The following WDR59 variants were observed in gnomAD, a reference collection of about 807,000 sequenced individuals.
The protein encoded by WDR59 is GATOR2 complex protein WDR59.
A neutral mutation model predicts 131.2 loss-of-function variants in WDR59; 100 were observed. The observed-to-expected ratio is 0.76, with a 90% CI of 0.65 to 0.90. The LOEUF (loss-of-function observed/expected upper bound fraction) is 0.90. Ranked by LOEUF, WDR59 falls within the 40% of genes least tolerant of loss-of-function variation. WDR59 has a pLI of 0.00. For synonymous variants in WDR59, 601 were observed against 466.2 expected (o/e 1.29, Z -3.72); for missense variants, 1,203 against 1,262.2 (o/e 0.95, Z 0.71).
intron 5 of WDR59, among the ~76,000 whole-genome samples, chr16:74,949,259 G>A (rs1597781604): frequency 6.6e-6 from 1 of 150,648 alleles, no homozygotes; most frequent in East Asian, 1.9e-4. Flanking sequence ...TGAGCCCAGG[G>A]GTTCAAGGCT....
At chr16:74,938,098 C>T in intron 8 of WDR59, 52 bp downstream of exon 8, 1 of 1,260,472 alleles carries the variant, frequency 7.9e-7, no homozygotes, top group Non-Finnish European at 1.1e-6. Flanking sequence ...ATCATACATC[C>T]CTGATGCCAC....
At chr16:74,973,649 T>C (rs1265676285) in intron 1 of WDR59, among the ~76,000 whole-genome samples, 1 of 152,222 alleles carries the variant, frequency 6.6e-6, no homozygotes, top group East Asian at 1.9e-4. Flanking sequence ...GAGACTCTTG[T>C]TCACACGCTC....
At chr16:74,948,380 A>T (rs1181317753) in intron 6 of WDR59, 139 bp downstream of exon 6, 1 of 812,802 alleles carries the variant, frequency 1.2e-6, no homozygotes, top group African/African-American at 1.7e-5. Context: ...TTACAATTCC[A>T]CTCAGCCACG....
At chr16:74,908,665 C>T (rs1196083244) in intron 17 of WDR59, 1 of 390,684 alleles carries the variant, frequency 2.6e-6, no homozygotes, top group Non-Finnish European at 4.5e-6. Flanking sequence ...AAGAATTTGC[C>T]TTGTTTTGAC....
At chr16:74,924,808 A>G (rs4888314) in intron 8 of WDR59, among the ~76,000 whole-genome samples, 55,917 of 151,982 alleles carry the variant, frequency 0.37, 10,336 homozygotes, top group African/African-American at 0.42. Flanking sequence ...TTTAATAGAG[A>G]TGGGATCTTG....
At position 74,942,796 on chromosome 16, in the gene WDR59, T is replaced by A; in HGVS notation, c.476A>T (p.Lys159Ile). The A allele has an allele frequency of 6.2e-7, 1 of 1,612,844 alleles. No homozygotes were observed. Residue 159 changes from lysine to isoleucine, a missense_variant, in exon 7 of 26, where the codon AAA becomes ATA. By Grantham distance (102) the Lys-to-Ile change is moderately radical. Transcript: ENST00000262144. ...GCTGGTGGCAAGGCAGTTAGCATTT[T>A]TTTTATTCCATTTGACCTGGGAGGC... The part of the protein sequence containing the change: ...AGASQVKWNK[K>I]NANCLATSHD...
intron 8 of WDR59, among the ~76,000 whole-genome samples, chr16:74,937,889 G>A (rs1035428417): frequency 1.3e-5 from 2 of 152,200 alleles, no homozygotes; most frequent in African/African-American, 4.8e-5. Context: ...TCTAAGAGAC[G>A]TATCAGAGGA....
At chr16:74,925,652 A>G (rs2030714601) in intron 8 of WDR59, among the ~76,000 whole-genome samples, 2 of 152,106 alleles carry the variant, frequency 1.3e-5, no homozygotes. Flanking sequence ...GCAAAGGAAT[A>G]ACACGAGGTA....
At position 74,883,056 on chromosome 16, in the gene WDR59, ACT is replaced by A. The variant is rs1964584731; in HGVS notation, c.2689+2595_2689+2596del. 2.6e-5 allele frequency among the ~76,000 whole-genome samples: 3 copies of A among 115,052 alleles called. No individual in the cohort carries two copies. The Admixed American group carries it at 3.8e-4, about 15-fold the overall frequency. 75.5% of individuals were successfully genotyped at this position (115,052 alleles called of 152,430 possible). A position where few individuals can be genotyped will look rare whatever the true frequency, so the allele number is the denominator to read the frequency against. On this transcript the variant is annotated intron_variant, in intron 25 of 25. Coordinates refer to ENST00000262144, the MANE Select transcript of WDR59 (RefSeq NM_030581.4). ...TTTTTTTTTTTTGAGACAGAGTCTC[ACT>A]CTGTCACCAAGGCTGGAGTGCAGTG... is the stretch of plus-strand genomic sequence containing the variant.
In WDR59 at chr16:74,919,489, C is replaced by T. The variant is rs555464096; in HGVS notation, c.887-1481G>A. Among the ~76,000 whole-genome samples the T allele has an allele frequency of 4.2e-5, 6 of 144,284 alleles. No homozygotes were observed. In the East Asian group the frequency reaches 1.2e-3, roughly 29 times the overall value. 94.7% of individuals were successfully genotyped at this position (144,284 alleles called of 152,430 possible). On this transcript the variant is annotated intron_variant, in intron 10 of 25. Coordinates refer to ENST00000262144, the MANE Select transcript of WDR59 (RefSeq NM_030581.4). Reference sequence around the variant, plus strand: ...CTGAGATTACAGGCACGTGCCACCACACCTGGCTAATTTTTTTTTTTTTAA... The same window carrying T: ...CTGAGATTACAGGCACGTGCCACCATACCTGGCTAATTTTTTTTTTTTTAA...
In WDR59 at chr16:74,892,473, A is replaced by G; in HGVS notation, c.2082+11T>C. 6.2e-7 allele frequency: 1 copy of G among 1,610,846 alleles called. No individual in the cohort carries two copies. Among genetic ancestry groups the G allele is most frequent in the Non-Finnish European group, 8.5e-7 (1 of 1,177,960 alleles). ...AAAATCCAAATCTCCACCAAAAGGG[A>G]TGGACAATACCTGGACAAGATCCTT... On this transcript the variant is annotated intron_variant, in intron 20 of 25. Coordinates refer to ENST00000262144, the MANE Select transcript of WDR59 (RefSeq NM_030581.4).
intron 25 of WDR59, among the ~76,000 whole-genome samples, chr16:74,877,545 TTTTA>T (rs1242059188): frequency 6.6e-6 from 1 of 152,194 alleles, no homozygotes; most frequent in East Asian, 1.9e-4. Flanking sequence ...ATTGATTGAT[TTTTA>T]TTTATTTATT....
At chr16:74,954,237 T>C (rs1191825390) in intron 3 of WDR59, among the ~76,000 whole-genome samples, 1 of 151,860 alleles carries the variant, frequency 6.6e-6, no homozygotes, top group East Asian at 2.0e-4. Flanking sequence ...GGAGAAACCC[T>C]GTCTCTACTA....
chr16:74,948,709 A>G (rs1026266590), intron 5 of WDR59, among the ~76,000 whole-genome samples, 153 bp from the exon 6 acceptor site: 1 of 152,172 alleles, frequency 6.6e-6, no homozygotes, highest in Admixed American at 6.6e-5. Context: ...AAGTCTAAAG[A>G]GAGACCTGCT....
At position 74,956,608 on chromosome 16, in the gene WDR59, C is replaced by A. The variant is rs747491766; in HGVS notation, c.107G>T (p.Arg36Leu). 3.1e-6 allele frequency: 5 copies of A among 1,613,478 alleles called. No homozygotes were observed. Among genetic ancestry groups the A allele is most frequent in the Non-Finnish European group, 4.2e-6 (5 of 1,179,832 alleles). The change falls in exon 3 of 26, where the codon CGC (arginine) becomes CTC (leucine). Residue 36 changes from arginine (R) to leucine (L), a missense_variant and splice_region_variant. Coordinates refer to ENST00000262144, the MANE Select transcript of WDR59 (RefSeq NM_030581.4). The stretch of plus-strand genomic sequence containing the variant: ...TAGATTGACGATGTATAAGAATCTG[C>A]GGCTAGAGACCAACATCAACATTAT... ...CLGQHAVLSG[R>L]RFLYIVNLDA...
chr16:74,959,099 C>T (rs979444653), intron 2 of WDR59, among the ~76,000 whole-genome samples: 2 of 152,158 alleles, frequency 1.3e-5, no homozygotes, highest in Non-Finnish European at 2.9e-5. Flanking sequence ...TGCAACCCAT[C>T]CACCCAGGTG....
chr16:74,944,730 G>A (rs2145109131), intron 6 of WDR59, among the ~76,000 whole-genome samples: 1 of 151,526 alleles, frequency 6.6e-6, no homozygotes, highest in African/African-American at 2.4e-5. Flanking sequence ...GGGTAGATCT[G>A]CACCACTGAG....
intron 2 of WDR59, among the ~76,000 whole-genome samples, chr16:74,961,634 G>A (rs1021621148): frequency 2.0e-5 from 3 of 151,996 alleles, no homozygotes; most frequent in African/African-American, 7.2e-5. Context: ...ACTTTTTAAC[G>A]GGGTTGTTTA....
At chr16:74,957,729 G>A (rs1308830461) in intron 2 of WDR59, among the ~76,000 whole-genome samples, 1 of 152,138 alleles carries the variant, frequency 6.6e-6, no homozygotes, top group African/African-American at 2.4e-5. Context: ...GCAGCCATCA[G>A]CTATTGATTC....
Sources: gnomAD v4.1 joint callset for allele counts (sites outside exome capture counted in the v4.1 genomes callset) on GRCh38, gnomAD v4.1.1 for gene constraint, MANE v1.5 for transcripts, NCBI Gene and HGNC (gene_info 2026-07-23, HGNC 2026-07-21) for gene names.